TTC23L: variants seen among roughly 807,000 people sequenced by gnomAD.
TTC23L encodes tetratricopeptide repeat domain 23 like.
Under a neutral mutation model 48.1 loss-of-function variants are expected in TTC23L, and 42 were observed. That is an observed-to-expected ratio of 0.87 (90% CI 0.68 to 1.13). The LOEUF is 1.13. Ranked by LOEUF, TTC23L falls within the 50% of genes most tolerant of loss-of-function variation. TTC23L has a pLI of 0.00. For missense variants in TTC23L, 391 were observed against 421.0 expected (o/e 0.93, Z 0.62); for synonymous variants, 159 against 157.2 (o/e 1.01, Z -0.09).
At chr5:34,845,320 G>A (rs1472886305) in intron 2 of TTC23L, among the ~76,000 whole-genome samples, 167 bp from the exon 3 acceptor site, 1 of 152,200 alleles carries the variant, frequency 6.6e-6, no homozygotes, top group Non-Finnish European at 1.5e-5. Context: ...CTGTCTTAAT[G>A]CTAGGCTTTG....
chr5:34,922,568 C>T, the TTC23L span: 1 of 1,609,394 alleles, frequency 6.2e-7, no homozygotes, highest in African/African-American at 1.3e-5. Context: ...GGACCATCTG[C>T]TAAATTCCTT....
downstream of TTC23L, among the ~76,000 whole-genome samples, chr5:34,903,701 A>G (rs1763565941): frequency 6.6e-6 from 1 of 152,236 alleles, no homozygotes; most frequent in South Asian, 2.1e-4. Context: ...ATAAAGTTGC[A>G]TTCTCACTGC....
In TTC23L at chr5:34,863,666, G is replaced by A. The variant is rs1338646372; in HGVS notation, c.536+612G>A. On this transcript the variant is annotated intron_variant, in intron 5 of 10. Coordinates refer to ENST00000505624, the Ensembl canonical transcript of TTC23L. The surrounding 1 kb of genome is among the most constrained non-coding windows in gnomAD (Gnocchi z 4.1). The stretch of plus-strand genomic sequence containing the variant: ...TACTGCCCATGAGGCTGGAGGCCAA[G>A]CAAAATAGACAAAACAAGTAGTTCT... Among the ~76,000 whole-genome samples, 1 of 152,188 alleles carries A rather than the reference G, an allele frequency of 6.6e-6. No homozygotes were observed. The highest frequency in any genetic ancestry group is 2.4e-5 in the African/African-American group (1 of 41,442).
chr5:34,910,485 T>C, the TTC23L span, among the ~76,000 whole-genome samples: 1 of 151,918 alleles, frequency 6.6e-6, no homozygotes, highest in African/African-American at 2.4e-5. Flanking sequence ...TGGAGTGCAG[T>C]GGCGCAATCT....
At chr5:34,888,544 T>C in intron 9 of TTC23L, 1 of 984,976 alleles carries the variant, frequency 1.0e-6, no homozygotes, top group Non-Finnish European at 1.2e-6. Flanking sequence ...AGAGGTGAGT[T>C]CTGGCCCTGG....
chr5:34,856,436 T>A (rs920823579), intron 4 of TTC23L, among the ~76,000 whole-genome samples: 1 of 152,150 alleles, frequency 6.6e-6, no homozygotes, highest in Non-Finnish European at 1.5e-5. Context: ...GCATTTTGGA[T>A]AAGGGATACT....
At position 34,863,959 on chromosome 5, in the gene TTC23L, TAGA is replaced by T. The variant is rs1337019632; in HGVS notation, c.537-473_537-471del. Among the ~76,000 whole-genome samples the T allele has an allele frequency of 2.0e-5, 3 of 152,182 alleles. No homozygotes were observed. Among genetic ancestry groups the T allele is most frequent in the African/African-American group, 7.2e-5 (3 of 41,448 alleles). On this transcript the variant is annotated intron_variant, in intron 5 of 10. Transcript: ENST00000505624. The surrounding 1 kb of genome is among the most constrained non-coding windows in gnomAD (Gnocchi z 4.1). ...AGGGGGCTATTGAAAATGTGGGAAA[TAGA>T]AGAATGTTTGGGAATTAAGGGGATT... is the stretch of plus-strand genomic sequence containing the variant.
At chr5:34,915,533 G>C in the TTC23L span, 5 of 558,144 alleles carry the variant, frequency 9.0e-6, no homozygotes, top group Non-Finnish European at 1.5e-5. Context: ...CTTCAGACCG[G>C]CCCTCCACCT....
downstream of TTC23L, among the ~76,000 whole-genome samples, chr5:34,901,424 G>A (rs542808208): frequency 2.0e-5 from 3 of 152,258 alleles, no homozygotes; most frequent in South Asian, 2.1e-4. Context: ...TACTGAACTC[G>A]TCATAACATG....
At chr5:34,895,220 G>A (rs1035146760) in intron 9 of TTC23L, among the ~76,000 whole-genome samples, 3 of 152,192 alleles carry the variant, frequency 2.0e-5, no homozygotes, top group Non-Finnish European at 2.9e-5. Context: ...ACATATCTGT[G>A]TTTGAATCCA....
chr5:34,842,205 AAATT>A (rs1561115957), intron 2 of TTC23L, among the ~76,000 whole-genome samples: 2 of 152,244 alleles, frequency 1.3e-5, no homozygotes, highest in South Asian at 2.1e-4. Context: ...AAATATGCTA[AAATT>A]ATTAATGAAA....
the TTC23L span, chr5:34,920,461 C>T: frequency 1.3e-5 from 2 of 152,134 alleles, no homozygotes; most frequent in African/African-American, 2.4e-5. Flanking sequence ...TATTAGCCTT[C>T]TTTAGAGCAC....
intron 9 of TTC23L, chr5:34,888,678 G>A (rs1762678536): frequency 4.7e-6 from 1 of 210,720 alleles, no homozygotes; most frequent in Admixed American, 6.5e-5. Context: ...GTATGAATTT[G>A]ACCAAATCCT....
At chr5:34,849,591 G>A (rs1323800428) in intron 3 of TTC23L, among the ~76,000 whole-genome samples, 2 of 152,194 alleles carry the variant, frequency 1.3e-5, no homozygotes, top group African/African-American at 4.8e-5. Flanking sequence ...CCATTTCTGT[G>A]ATTAGATAAG....
intron 9 of TTC23L, among the ~76,000 whole-genome samples, chr5:34,894,065 A>G (rs948309353): frequency 2.6e-5 from 4 of 152,256 alleles, no homozygotes; most frequent in African/African-American, 9.6e-5. Context: ...TTTATATGGG[A>G]CTGTATCTTG....
downstream of TTC23L, among the ~76,000 whole-genome samples, chr5:34,902,094 CT>C (rs1763524552): frequency 6.6e-6 from 1 of 152,110 alleles, no homozygotes; most frequent in Non-Finnish European, 1.5e-5. Context: ...TAATTTTTCT[CT>C]CTTCATCTTT....
chr5:34,846,070 T>G (rs1436762639), intron 3 of TTC23L, among the ~76,000 whole-genome samples: 2 of 151,982 alleles, frequency 1.3e-5, no homozygotes, highest in African/African-American at 2.4e-5. Context: ...TGTAGTCCCA[T>G]CTACTTGGGA....
At chr5:34,860,066 C>T (rs1760478713) in intron 4 of TTC23L, among the ~76,000 whole-genome samples, 1 of 151,942 alleles carries the variant, frequency 6.6e-6, no homozygotes, top group South Asian at 2.1e-4. Context: ...CCAGGATGGT[C>T]TTGATCTCCT....
chr5:34,877,181 A>ATCACAC (rs896963622), intron 8 of TTC23L, among the ~76,000 whole-genome samples: 15 of 152,218 alleles, frequency 9.9e-5, no homozygotes, highest in African/African-American at 3.6e-4. Flanking sequence ...CAATCAATGC[A>ATCACAC]TCACACCAAC....
Sources: gnomAD v4.1 joint callset for allele counts (sites outside exome capture counted in the v4.1 genomes callset) on GRCh38, gnomAD v4.1.1 for gene constraint, Gnocchi (gnomAD v3.1) non-coding constraint, MANE v1.5 for transcripts, NCBI Gene and HGNC (gene_info 2026-07-23, HGNC 2026-07-21) for gene names.